POFUT3: variants seen among roughly 807,000 people sequenced by gnomAD.
POFUT3 encodes the protein protein O-fucosyltransferase 3.
the POFUT3 span, among the ~76,000 whole-genome samples, chr8:33,385,465 G>T: frequency 6.6e-6 from 1 of 152,188 alleles, no homozygotes; most frequent in Non-Finnish European, 1.5e-5. Flanking sequence ...CATGATGAAT[G>T]GGGGAAAGTG....
the POFUT3 span, among the ~76,000 whole-genome samples, chr8:33,343,984 T>G: frequency 2.6e-5 from 4 of 152,194 alleles, no homozygotes; most frequent in Non-Finnish European, 4.4e-5. Context: ...TCCCTTTGCC[T>G]ATGCAAATCA....
chr8:33,333,182 G>A, the POFUT3 span, among the ~76,000 whole-genome samples: 2 of 152,246 alleles, frequency 1.3e-5, no homozygotes, highest in Non-Finnish European at 2.9e-5. Context: ...CCAGAAGGCT[G>A]AAAGGCCTGA....
the POFUT3 span, chr8:33,361,117 T>C: frequency 6.6e-6 from 1 of 152,184 alleles, no homozygotes; most frequent in African/African-American, 2.4e-5. Context: ...AAGATAAAAT[T>C]CATCACCTTT....
the POFUT3 span, among the ~76,000 whole-genome samples, chr8:33,443,390 G>A: frequency 6.6e-6 from 1 of 152,264 alleles, no homozygotes; most frequent in South Asian, 2.1e-4. Flanking sequence ...ATTTTCACAG[G>A]CCAGAGCTCA....
the POFUT3 span, among the ~76,000 whole-genome samples, chr8:33,407,500 A>G: frequency 6.6e-6 from 1 of 152,224 alleles, no homozygotes; most frequent in Non-Finnish European, 1.5e-5. Context: ...TAAATCTCTT[A>G]AAGTAATATT....
At chr8:33,309,172 A>G in the POFUT3 span, among the ~76,000 whole-genome samples, 3 of 49,524 alleles carry the variant, frequency 6.1e-5, no homozygotes, top group East Asian at 1.6e-3. Flanking sequence ...AAAAAAATAT[A>G]TATATATATA....
chr8:33,393,758 T>A, the POFUT3 span, among the ~76,000 whole-genome samples: 1 of 152,246 alleles, frequency 6.6e-6, no homozygotes, highest in African/African-American at 2.4e-5. Context: ...GTTGATTCCA[T>A]GGAATGACAT....
At chr8:33,407,496 T>G in the POFUT3 span, among the ~76,000 whole-genome samples, 1 of 152,162 alleles carries the variant, frequency 6.6e-6, no homozygotes, top group East Asian at 1.9e-4. Context: ...ATGTTAAATC[T>G]CTTAAAGTAA....
the POFUT3 span, among the ~76,000 whole-genome samples, chr8:33,369,301 C>T: frequency 6.6e-6 from 1 of 152,116 alleles, no homozygotes; most frequent in African/African-American, 2.4e-5. Flanking sequence ...AGAGTAGCAA[C>T]TAAAACTAGA....
the POFUT3 span, among the ~76,000 whole-genome samples, chr8:33,309,304 C>CTAGA: frequency 6.7e-5 from 10 of 148,868 alleles, no homozygotes; most frequent in African/African-American, 2.5e-4. Flanking sequence ...CTTATTATAT[C>CTAGA]TGCATTGCCA....
chr8:33,322,340 C>T, the POFUT3 span, among the ~76,000 whole-genome samples: 1 of 152,060 alleles, frequency 6.6e-6, no homozygotes, highest in Non-Finnish European at 1.5e-5. Context: ...ATGAATCTCC[C>T]ATGATGCACC....
At chr8:33,441,582 T>C in the POFUT3 span, among the ~76,000 whole-genome samples, 3 of 151,894 alleles carry the variant, frequency 2.0e-5, no homozygotes, top group Non-Finnish European at 4.4e-5. Flanking sequence ...GGTTTCCATA[T>C]GCTGCCCAGG....
the POFUT3 span, among the ~76,000 whole-genome samples, chr8:33,334,815 G>A: frequency 0.021 from 3,135 of 152,286 alleles, 93 homozygotes; most frequent in African/African-American, 0.071. Flanking sequence ...ACTTTAGGAG[G>A]TGTTCAGTGT....
chr8:33,344,373 C>CA, the POFUT3 span, among the ~76,000 whole-genome samples: 1 of 152,172 alleles, frequency 6.6e-6, no homozygotes, highest in African/African-American at 2.4e-5. Flanking sequence ...GCCTTGCTGC[C>CA]ACCTCCCTGA....
the POFUT3 span, among the ~76,000 whole-genome samples, chr8:33,346,594 G>A: frequency 2.0e-5 from 3 of 152,084 alleles, no homozygotes; most frequent in African/African-American, 7.2e-5. Flanking sequence ...GCATACATTT[G>A]GATGTTACTC....
chr8:33,394,856 A>G, the POFUT3 span, among the ~76,000 whole-genome samples: 1 of 152,144 alleles, frequency 6.6e-6, no homozygotes, highest in Non-Finnish European at 1.5e-5. Context: ...TATTAGTACA[A>G]CAGTCTTTAG....
the POFUT3 span, among the ~76,000 whole-genome samples, chr8:33,311,843 A>G: frequency 6.6e-6 from 1 of 152,174 alleles, no homozygotes; most frequent in Non-Finnish European, 1.5e-5. Context: ...AAATATGTTC[A>G]AGTCACAACT....
At chr8:33,424,953 C>T in the POFUT3 span, among the ~76,000 whole-genome samples, 64 of 152,266 alleles carry the variant, frequency 4.2e-4, no homozygotes, top group South Asian at 0.013. Context: ...TCAGAAAATG[C>T]CTTGTTCTCA....
chr8:33,361,584 A>C, the POFUT3 span, among the ~76,000 whole-genome samples: 1 of 152,252 alleles, frequency 6.6e-6, no homozygotes, highest in African/African-American at 2.4e-5. Flanking sequence ...TTTCTGTTAT[A>C]ATTCCACACT....
Sources: gnomAD v4.1 joint callset for allele counts (sites outside exome capture counted in the v4.1 genomes callset) on GRCh38, gnomAD v4.1.1 for gene constraint, MANE v1.5 for transcripts, NCBI Gene and HGNC (gene_info 2026-07-23, HGNC 2026-07-21) for gene names.